PRDM16: variants seen among roughly 807,000 people sequenced by gnomAD.
PRDM16 encodes PR/SET domain 16.
In PRDM16, 23 loss-of-function variants were observed where a neutral mutation model predicts 110.6. That is an observed-to-expected ratio of 0.21 (90% CI 0.15 to 0.29). The LOEUF (loss-of-function observed/expected upper bound fraction) is 0.29. PRDM16 is among the 10% of genes least tolerant of loss of function. The probability of loss-of-function intolerance (pLI) is 1.00; values close to 1 mark genes in which losing one functional copy is unlikely to be tolerated. For missense variants in PRDM16, 1,615 were observed against 1,794.3 expected, an observed-to-expected ratio of 0.90 and a Z score of 1.81; for synonymous variants, 799 against 781.8, an observed-to-expected ratio of 1.02 and a Z score of -0.37.
At chr1:3,151,459 C>G (rs1482177691) in intron 1 of PRDM16, among the ~76,000 whole-genome samples, 3 of 152,238 alleles carry the variant, frequency 2.0e-5, no homozygotes, top group Non-Finnish European at 4.4e-5. Flanking sequence ...CAGGCTCACT[C>G]TAGGTAGTTC....
chr1:3,395,426 C>A (rs1336678515), intron 4 of PRDM16, among the ~76,000 whole-genome samples: 1 of 152,146 alleles, frequency 6.6e-6, no homozygotes, highest in Non-Finnish European at 1.5e-5. Context: ...CCAGGTCTCG[C>A]AGGGGCAGGT....
At chr1:3,386,933 T>C (rs1198808217) in intron 4 of PRDM16, 1 of 152,144 alleles carries the variant, frequency 6.6e-6, no homozygotes, top group Non-Finnish European at 1.5e-5. Context: ...AGCGGTAAAG[T>C]GGGTATCTTT....
chr1:3,409,153 G>A (rs996153941), intron 8 of PRDM16, among the ~76,000 whole-genome samples: 1 of 148,554 alleles, frequency 6.7e-6, no homozygotes, highest in African/African-American at 2.5e-5. Flanking sequence ...GTGTGGGTGT[G>A]TGTGAGTGAG....
At chr1:3,220,981 A>C (rs1207970361) in intron 2 of PRDM16, among the ~76,000 whole-genome samples, 4 of 152,206 alleles carry the variant, frequency 2.6e-5, no homozygotes, top group Non-Finnish European at 5.9e-5. Context: ...AGGCCACTTG[A>C]TGCTCAGACT....
At chr1:3,271,974 G>A (rs149621912) in intron 3 of PRDM16, among the ~76,000 whole-genome samples, 20 of 152,344 alleles carry the variant, frequency 1.3e-4, no homozygotes, top group African/African-American at 4.3e-4. Context: ...CACACAGAAT[G>A]AGACAGCTTC....
At chr1:3,114,216 C>A (rs376480607) in intron 1 of PRDM16, among the ~76,000 whole-genome samples, 2 of 126,800 alleles carry the variant, frequency 1.6e-5, no homozygotes, top group Admixed American at 7.9e-5. Flanking sequence ...CACACGCACA[C>A]GAACACACAC....
intron 14 of PRDM16, among the ~76,000 whole-genome samples, chr1:3,429,974 C>A (rs1049852314): frequency 1.3e-5 from 2 of 152,212 alleles, no homozygotes; most frequent in East Asian, 1.9e-4. Flanking sequence ...GGAGGCAGTG[C>A]CCCCGGGCGG....
chr1:3,149,821 AATCCACCC>A (rs1462026795), intron 1 of PRDM16, among the ~76,000 whole-genome samples: 1 of 152,222 alleles, frequency 6.6e-6, no homozygotes, highest in Admixed American at 6.5e-5. Flanking sequence ...GGGACACAGC[AATCCACCC>A]GCCCTACTCA....
chr1:3,236,705 G>A (rs1639548417), intron 2 of PRDM16, among the ~76,000 whole-genome samples: 1 of 152,236 alleles, frequency 6.6e-6, no homozygotes. Flanking sequence ...TCTTGGCAGG[G>A]CCCATGTGAA....
At position 3,358,332 on chromosome 1, in the gene PRDM16, G is replaced by A. The variant is rs375584032; in HGVS notation, c.439-26820G>A. Among the ~76,000 whole-genome samples, 57 of 152,304 alleles carry A rather than the reference G, an allele frequency of 3.7e-4. No individual in the cohort carries two copies. Among genetic ancestry groups the A allele is most frequent in the African/African-American group, 1.2e-3 (48 of 41,576 alleles). On this transcript the variant is annotated intron_variant, in intron 3 of 16. Transcript: ENST00000270722. The surrounding 1 kb of genome is among the most constrained non-coding windows in gnomAD (Gnocchi z 4.0). ...CCTGAACTGGGTCTTCTCTGGATGC[G>A]AGACCTTCCCCCTGGCTGAGGGTGC...
chr1:3,181,847 CGGTCTT>C (rs1644210035), intron 1 of PRDM16, among the ~76,000 whole-genome samples: 1 of 95,804 alleles, frequency 1.0e-5, no homozygotes, highest in South Asian at 3.6e-4. Flanking sequence ...GTCTTACACA[CGGTCTT>C]ACACACGCAG....
At chr1:3,389,728 G>A (rs928673126) in intron 4 of PRDM16, among the ~76,000 whole-genome samples, 1 of 152,242 alleles carries the variant, frequency 6.6e-6, no homozygotes, top group African/African-American at 2.4e-5. Flanking sequence ...CTGAAGCGGC[G>A]CAGGCTCTCT....
At chr1:3,204,557 T>C (rs1638709756) in intron 2 of PRDM16, among the ~76,000 whole-genome samples, 1 of 152,204 alleles carries the variant, frequency 6.6e-6, no homozygotes, top group African/African-American at 2.4e-5. Flanking sequence ...GTGGCTCCGT[T>C]TCTGAACCAG....
At chr1:3,247,608 C>T (rs934626247) in intron 3 of PRDM16, among the ~76,000 whole-genome samples, 1 of 152,248 alleles carries the variant, frequency 6.6e-6, no homozygotes, top group Non-Finnish European at 1.5e-5. Context: ...TGGACTCCCG[C>T]GTTCCCTCTG....
chr1:3,371,601 A>G (rs1025154034), intron 3 of PRDM16, among the ~76,000 whole-genome samples: 3 of 151,980 alleles, frequency 2.0e-5, no homozygotes, highest in African/African-American at 7.3e-5. Context: ...CCATCCATCC[A>G]TCCATTCATG....
At chr1:3,195,122 G>A (rs762335745) in intron 2 of PRDM16, among the ~76,000 whole-genome samples, 2 of 152,238 alleles carry the variant, frequency 1.3e-5, no homozygotes, top group Non-Finnish European at 2.9e-5. Flanking sequence ...TTTGGAGAGA[G>A]ACGGGGCCCT....
At chr1:3,320,975 G>T (rs117323187) in intron 3 of PRDM16, among the ~76,000 whole-genome samples, 1 of 152,234 alleles carries the variant, frequency 6.6e-6, no homozygotes. Flanking sequence ...AAGCACCCGA[G>T]GGAGACGAAA....
At chr1:3,305,380 G>A (rs1316853656) in intron 3 of PRDM16, among the ~76,000 whole-genome samples, 1 of 152,158 alleles carries the variant, frequency 6.6e-6, no homozygotes, top group Non-Finnish European at 1.5e-5. Flanking sequence ...GGGCCCAGGT[G>A]CCCAGGCCCC....
At chr1:3,268,484 G>C (rs1640351581) in intron 3 of PRDM16, among the ~76,000 whole-genome samples, 1 of 152,202 alleles carries the variant, frequency 6.6e-6, no homozygotes, top group South Asian at 2.1e-4. Context: ...CGGCCGGGGA[G>C]GGCAGACGGG....
Sources: gnomAD v4.1 joint callset for allele counts (sites outside exome capture counted in the v4.1 genomes callset) on GRCh38, gnomAD v4.1.1 for gene constraint, Gnocchi (gnomAD v3.1) non-coding constraint, MANE v1.5 for transcripts, NCBI Gene and HGNC (gene_info 2026-07-23, HGNC 2026-07-21) for gene names.